Variants in DOCK4 observed in about 807,000 individuals in gnomAD.
The protein encoded by DOCK4 is dedicator of cytokinesis 4.
In DOCK4, 97 loss-of-function variants were observed where a neutral mutation model predicts 268.1. The observed-to-expected ratio is 0.36, with a 90% confidence interval of 0.31 to 0.43. DOCK4 has a LOEUF of 0.43. DOCK4 is among the 20% of genes least tolerant of loss of function. DOCK4 has a pLI of 1.00. For synonymous variants in DOCK4, 954 were observed against 887.2 expected, an observed-to-expected ratio of 1.08 and a Z score of -1.34; for missense variants, 2,145 against 2,455.7, an observed-to-expected ratio of 0.87 and a Z score of 2.67.
chr7:111,760,445 T>A (rs17158794), intron 39 of DOCK4, 123 bp from the exon 40 acceptor site: 324,092 of 1,010,874 alleles, frequency 0.32, 55,236 homozygotes, highest in African/African-American at 0.47. Context: ...ATAACAAAAA[T>A]TACGCTGGAA....
At chr7:111,856,575 A>T (rs1486268258) in intron 23 of DOCK4, among the ~76,000 whole-genome samples, 3 of 152,228 alleles carry the variant, frequency 2.0e-5, no homozygotes, top group African/African-American at 7.2e-5. Flanking sequence ...TATGTGGGCA[A>T]ATCTTTCATA....
intron 1 of DOCK4, among the ~76,000 whole-genome samples, chr7:112,127,557 T>TAAC (rs1049025482): frequency 1.6e-5 from 2 of 125,422 alleles, no homozygotes; most frequent in African/African-American, 5.4e-5. Flanking sequence ...ACTTAAAGTA[T>TAAC]AATAATAATA....
At chr7:111,883,068 C>G (rs796166681) in intron 16 of DOCK4, among the ~76,000 whole-genome samples, 3 of 152,254 alleles carry the variant, frequency 2.0e-5, no homozygotes, top group African/African-American at 7.2e-5. Context: ...ATTACAACTC[C>G]AAATCATTGC....
At chr7:112,070,447 A>C (rs1807483212) in intron 1 of DOCK4, among the ~76,000 whole-genome samples, 2 of 152,184 alleles carry the variant, frequency 1.3e-5, no homozygotes, top group South Asian at 4.1e-4. Context: ...AATCACACTT[A>C]CTTTTGCACC....
chr7:111,794,907 G>A (rs532791744), intron 30 of DOCK4, among the ~76,000 whole-genome samples: 1 of 152,274 alleles, frequency 6.6e-6, no homozygotes, highest in African/African-American at 2.4e-5. Flanking sequence ...GAATTACAAA[G>A]TAAAAAGAGA....
chr7:111,969,851 A>T (rs1286902008), intron 8 of DOCK4, among the ~76,000 whole-genome samples: 1 of 152,224 alleles, frequency 6.6e-6, no homozygotes, highest in Admixed American at 6.5e-5. Flanking sequence ...AAGCTAAAGG[A>T]GACACAGTAG....
chr7:111,920,173 GGA>G (rs1224113502), intron 12 of DOCK4, among the ~76,000 whole-genome samples: 1 of 152,142 alleles, frequency 6.6e-6, no homozygotes, highest in Non-Finnish European at 1.5e-5. Context: ...TTTGGTCACA[GGA>G]GACGAAGTTT....
intron 1 of DOCK4, among the ~76,000 whole-genome samples, chr7:112,105,710 G>C (rs1007561922): frequency 4.3e-5 from 6 of 138,036 alleles, no homozygotes; most frequent in Non-Finnish European, 3.0e-5. Flanking sequence ...TTTCTTCGAG[G>C]CAGCGTCTCA....
chr7:112,006,509 C>T (rs772800458), intron 1 of DOCK4, among the ~76,000 whole-genome samples: 1 of 152,140 alleles, frequency 6.6e-6, no homozygotes, highest in Non-Finnish European at 1.5e-5. Flanking sequence ...CTTATCCAAA[C>T]GGTCTATGTG....
intron 1 of DOCK4, among the ~76,000 whole-genome samples, chr7:112,114,341 G>A (rs1318830108): frequency 6.6e-6 from 1 of 152,196 alleles, no homozygotes. Context: ...TATGTTCTCA[G>A]TGGCAGAAAT....
intron 27 of DOCK4, among the ~76,000 whole-genome samples, chr7:111,817,564 A>G (rs538358092): frequency 2.2e-4 from 33 of 152,326 alleles, no homozygotes; most frequent in Admixed American, 2.0e-3. Context: ...TACACTGAAG[A>G]TTTATTTTTA....
chr7:112,021,814 G>T (rs1802343625), intron 1 of DOCK4, among the ~76,000 whole-genome samples: 2 of 152,110 alleles, frequency 1.3e-5, no homozygotes, highest in African/African-American at 2.4e-5. Flanking sequence ...CTGTCTACGG[G>T]TTCTTCCAGA....
In DOCK4 at chr7:111,830,283, G is replaced by A. The variant is rs190077833; in HGVS notation, c.2835+4305C>T. ...TCTACTAAAATACAAAAAATCCGCC[G>A]GGCGTGGTGGCGCGTGCCTGTAGTC... On this transcript the variant is annotated intron_variant, in intron 26 of 52. Coordinates refer to ENST00000428084, the MANE Select transcript of DOCK4 (RefSeq NM_001363540.2). 1.1e-4 allele frequency among the ~76,000 whole-genome samples: 17 copies of A among 152,132 alleles called. 1 individual carries two copies. The highest frequency in any genetic ancestry group is 4.2e-4 in the South Asian group (2 of 4,812).
chr7:111,729,558 TAAAG>T (rs1039683850), intron 52 of DOCK4, among the ~76,000 whole-genome samples: 2 of 151,966 alleles, frequency 1.3e-5, no homozygotes, highest in Admixed American at 6.6e-5. Context: ...AAAAAATAAA[TAAAG>T]GTATCCACCA....
intron 8 of DOCK4, chr7:111,953,821 C>T (rs376209415): frequency 2.0e-5 from 3 of 152,200 alleles, no homozygotes; most frequent in African/African-American, 2.4e-5. Flanking sequence ...CAATTTTAAA[C>T]GTTACAGGCC....
chr7:111,740,872 TC>T (rs1262506783), intron 47 of DOCK4, among the ~76,000 whole-genome samples: 2 of 151,658 alleles, frequency 1.3e-5, no homozygotes, highest in African/African-American at 2.4e-5. Context: ...CCTAGGCTTT[TC>T]CATCGCTTGC....
intron 23 of DOCK4, among the ~76,000 whole-genome samples, chr7:111,862,652 G>A (rs765093868): frequency 9.9e-5 from 15 of 151,500 alleles, no homozygotes; most frequent in Non-Finnish European, 1.9e-4. Context: ...CAACACACTC[G>A]GGTAATTTTT....
intron 1 of DOCK4, among the ~76,000 whole-genome samples, chr7:112,068,259 C>T (rs1001021800): frequency 6.6e-6 from 1 of 152,050 alleles, no homozygotes; most frequent in African/African-American, 2.4e-5. Flanking sequence ...GGTGAGAGTA[C>T]CTGCATCCCT....
At chr7:112,147,714 G>T (rs1007393391) in intron 1 of DOCK4, among the ~76,000 whole-genome samples, 1 of 149,864 alleles carries the variant, frequency 6.7e-6, no homozygotes, top group East Asian at 2.0e-4. Context: ...CAAAACCTCC[G>T]TACTGAATTC....
Sources: gnomAD v4.1 joint callset for allele counts (sites outside exome capture counted in the v4.1 genomes callset) on GRCh38, gnomAD v4.1.1 for gene constraint, MANE v1.5 for transcripts, NCBI Gene and HGNC (gene_info 2026-07-23, HGNC 2026-07-21) for gene names.